FAM193A: variants seen among roughly 807,000 people sequenced by gnomAD.
FAM193A encodes the protein protein FAM193A.
FAM193A carries 22 observed loss-of-function variants against 126.5 expected under a neutral mutation model. The ratio of observed to expected loss-of-function variants is 0.17; its 90% confidence interval spans 0.12 to 0.25. FAM193A has a LOEUF of 0.25. Among genes scored for constraint, FAM193A ranks in the 10% least tolerant of loss-of-function variants. FAM193A has a pLI of 1.00. For missense variants in FAM193A, 1,675 were observed against 1,672.8 expected, an observed-to-expected ratio of 1.00 and a Z score of -0.02; for synonymous variants, 761 against 646.8, an observed-to-expected ratio of 1.18 and a Z score of -2.68.
At chr4:2,626,060 A>T (rs1172143480) in intron 3 of FAM193A, among the ~76,000 whole-genome samples, 2 of 152,158 alleles carry the variant, frequency 1.3e-5, no homozygotes, top group African/African-American at 2.4e-5. Context: ...GCTCTGGCTC[A>T]GGAAGGAATG....
At position 2,644,889 on chromosome 4, in the gene FAM193A, AAGTT is replaced by A. The variant is rs1379310123; in HGVS notation, c.1164-1793_1164-1790del. 3.9e-5 allele frequency among the ~76,000 whole-genome samples: 6 copies of A among 152,286 alleles called. No homozygotes were observed. In the East Asian group the frequency reaches 5.8e-4, roughly 15 times the overall value. ...ATGAAAATATAGAAAATCGTAAACA[AAGTT>A]AGGTTTTATAAATAATTTAGTATTT... On this transcript the variant is annotated intron_variant, in intron 6 of 20. Coordinates refer to ENST00000637812, the MANE Select transcript of FAM193A (RefSeq NM_001366318.2).
intron 6 of FAM193A, among the ~76,000 whole-genome samples, chr4:2,642,647 T>C (rs1313452113): frequency 1.3e-5 from 2 of 151,952 alleles, no homozygotes; most frequent in African/African-American, 4.8e-5. Flanking sequence ...AAAAAAAATA[T>C]TTTACTGGTA....
intron 1 of FAM193A, among the ~76,000 whole-genome samples, chr4:2,544,621 T>C (rs976530616): frequency 2.6e-5 from 4 of 152,054 alleles, no homozygotes; most frequent in African/African-American, 4.8e-5. Context: ...GGAGAATTGC[T>C]TGAACCCAGG....
chr4:2,631,755 G>A (rs899734056), intron 5 of FAM193A, among the ~76,000 whole-genome samples: 1 of 152,146 alleles, frequency 6.6e-6, no homozygotes, highest in East Asian at 1.9e-4. Context: ...ACACACAGAT[G>A]GGTCCGGTTG....
At chr4:2,655,413 T>G (rs1293911183) in intron 7 of FAM193A, among the ~76,000 whole-genome samples, 2 of 151,780 alleles carry the variant, frequency 1.3e-5, no homozygotes, top group African/African-American at 4.9e-5. Flanking sequence ...TAGCTGATAT[T>G]TGATTTAGGA....
chr4:2,604,557 C>T (rs1316628478), intron 2 of FAM193A, among the ~76,000 whole-genome samples: 4 of 152,128 alleles, frequency 2.6e-5, no homozygotes, highest in Non-Finnish European at 5.9e-5. Context: ...CTTGGCGTAT[C>T]ATTCCTGTTA....
intron 4 of FAM193A, 61 bp from the exon 5 acceptor site, chr4:2,630,874 T>G: frequency 1.1e-6 from 1 of 920,374 alleles, no homozygotes; most frequent in Non-Finnish European, 1.7e-6. Context: ...AGATGCTCAC[T>G]GACATCAGAG....
intron 20 of FAM193A, among the ~76,000 whole-genome samples, chr4:2,729,600 G>A (rs867980946): frequency 3.3e-5 from 5 of 152,004 alleles, no homozygotes; most frequent in African/African-American, 9.7e-5. Context: ...AGATTCTTTC[G>A]TCTGAGGAGG....
intron 15 of FAM193A, among the ~76,000 whole-genome samples, chr4:2,692,419 G>A (rs1394225014): frequency 6.6e-6 from 1 of 152,136 alleles, no homozygotes; most frequent in African/African-American, 2.4e-5. Flanking sequence ...TGAGATTTGT[G>A]TGGGGACACA....
chr4:2,701,859 C>G (rs1717771180), intron 19 of FAM193A, among the ~76,000 whole-genome samples: 1 of 151,916 alleles, frequency 6.6e-6, no homozygotes, highest in Admixed American at 6.6e-5. Context: ...TCACCACAAC[C>G]TCCGCTTCCC....
At chr4:2,713,390 G>A (rs1404478894) in intron 19 of FAM193A, among the ~76,000 whole-genome samples, 3 of 152,158 alleles carry the variant, frequency 2.0e-5, no homozygotes, top group African/African-American at 7.2e-5. Context: ...TGGCAATAGA[G>A]CGAGACTCCT....
chr4:2,660,352 G>C (rs1295138027), intron 10 of FAM193A, among the ~76,000 whole-genome samples: 5 of 152,114 alleles, frequency 3.3e-5, no homozygotes, highest in African/African-American at 1.2e-4. Context: ...TTCTCCTAAA[G>C]GGTGACCAGT....
intron 19 of FAM193A, among the ~76,000 whole-genome samples, chr4:2,709,998 T>C (rs1054040965): frequency 1.3e-5 from 2 of 152,198 alleles, no homozygotes; most frequent in Admixed American, 6.5e-5. Flanking sequence ...CAAGGTAGTC[T>C]AGTCATAGTT....
At chr4:2,583,118 A>G (rs755506499) in intron 1 of FAM193A, among the ~76,000 whole-genome samples, 7 of 152,192 alleles carry the variant, frequency 4.6e-5, no homozygotes, top group Non-Finnish European at 1.0e-4. Context: ...ACCTGCCACC[A>G]TGCCCAGCCA....
rs201993542 is a variant in FAM193A, at chr4:2,553,715, C to G, written c.255+16545C>G. Among the ~76,000 whole-genome samples the G allele has an allele frequency of 2.3e-4, 35 of 152,192 alleles. 2 individuals carry two copies. The East Asian group carries it at 6.8e-3, about 29-fold the overall frequency. On this transcript the variant is annotated intron_variant, in intron 1 of 20. Coordinates refer to ENST00000637812, the MANE Select transcript of FAM193A (RefSeq NM_001366318.2). ...GAAGTTGGTATGGTTTGGCTATGTT[C>G]CCACCCAAATCTTGTCTTGAATTGT...
chr4:2,695,239 A>G lies in FAM193A; in HGVS notation c.3276+110A>G, dbSNP rs1045641651. On this transcript the variant is annotated intron_variant, in intron 17 of 20. Transcript: ENST00000637812. ...TCGGGGTATATTCCACTTCTAGGGTATATCCATTGTAAAGAAACAAAGAAA... is the reference window on the plus strand; with the variant it reads ...TCGGGGTATATTCCACTTCTAGGGTGTATCCATTGTAAAGAAACAAAGAAA... 1.6e-4 allele frequency: 139 copies of G among 851,310 alleles called. 1 individual carries two copies. The highest frequency in any genetic ancestry group is 2.3e-4 in the Middle Eastern group (1 of 4,338). 52.7% of individuals were successfully genotyped at this position (851,310 alleles called of 1,614,324 possible). A position where few individuals can be genotyped will look rare whatever the true frequency, so the allele number is the denominator to read the frequency against.
intron 15 of FAM193A, among the ~76,000 whole-genome samples, chr4:2,692,252 A>G (rs231706): frequency 0.14 from 20,570 of 152,234 alleles, 3,120 homozygotes; most frequent in African/African-American, 0.37. Flanking sequence ...GAGAACGAGT[A>G]CACGGCGAAG....
At chr4:2,679,674 G>A (rs764087278) in intron 13 of FAM193A, among the ~76,000 whole-genome samples, 11 of 151,316 alleles carry the variant, frequency 7.3e-5, no homozygotes, top group Non-Finnish European at 1.2e-4. Context: ...CACCGCGCCC[G>A]ACCCTGTAGT....
chr4:2,693,320 G>T (rs2109277525), intron 15 of FAM193A, among the ~76,000 whole-genome samples: 1 of 151,076 alleles, frequency 6.6e-6, no homozygotes, highest in South Asian at 2.1e-4. Context: ...GCCCGGCCAA[G>T]AAATTTTTTT....
Sources: allele counts gnomAD v4.1 joint callset (sites outside exome capture counted in the v4.1 genomes callset), GRCh38; gene constraint gnomAD v4.1.1; transcripts MANE v1.5; gene names NCBI Gene and HGNC (gene_info 2026-07-23, HGNC 2026-07-21).